Variants in TENM3 observed in about 807,000 individuals in gnomAD.
TENM3 encodes the protein teneurin transmembrane protein 3.
Under a neutral mutation model 255.1 loss-of-function variants are expected in TENM3, and 63 were observed. That is an observed-to-expected ratio of 0.25 (90% CI 0.20 to 0.30). The LOEUF (loss-of-function observed/expected upper bound fraction) is 0.30, where lower values mean the gene tolerates loss of function less well. TENM3 is among the 10% of genes least tolerant of loss of function. The pLI is 1.00. For synonymous variants in TENM3, 1,306 were observed against 1,322.3 expected, an observed-to-expected ratio of 0.99 and a Z score of 0.27; for missense variants, 2,929 against 3,461.1, an observed-to-expected ratio of 0.85 and a Z score of 3.86.
chr4:182,622,818 G>T (rs1038415806), intron 4 of TENM3, among the ~76,000 whole-genome samples: 3 of 152,078 alleles, frequency 2.0e-5, no homozygotes, highest in Non-Finnish European at 4.4e-5. Context: ...AACATGCCAA[G>T]AACTTTTTAA....
At chr4:182,021,084 C>A in the TENM3 span, among the ~76,000 whole-genome samples, 6 of 152,062 alleles carry the variant, frequency 3.9e-5, no homozygotes, top group Non-Finnish European at 8.8e-5. Flanking sequence ...TTTTTCAACC[C>A]ACTCCAGTGT....
chr4:181,960,718 A>C, the TENM3 span, among the ~76,000 whole-genome samples: 2 of 152,202 alleles, frequency 1.3e-5, no homozygotes, highest in Non-Finnish European at 2.9e-5. Context: ...TCTAACAGAC[A>C]GTCTAGGTTT....
the TENM3 span, among the ~76,000 whole-genome samples, chr4:181,474,295 C>A: frequency 6.6e-6 from 1 of 151,776 alleles, no homozygotes; most frequent in Non-Finnish European, 1.5e-5. Context: ...GCACATGTAC[C>A]CCCCAGAACT....
chr4:182,286,753 C>G (rs1050725425), intron 1 of TENM3, among the ~76,000 whole-genome samples: 3 of 152,292 alleles, frequency 2.0e-5, no homozygotes, highest in African/African-American at 7.2e-5. Flanking sequence ...ACCACCACCC[C>G]CTCTCACCAG....
chr4:181,673,566 G>C, the TENM3 span, among the ~76,000 whole-genome samples: 1 of 152,176 alleles, frequency 6.6e-6, no homozygotes, highest in East Asian at 1.9e-4. Context: ...CAATTGCAAC[G>C]AAGTCAGTTC....
chr4:181,755,299 C>A, the TENM3 span, among the ~76,000 whole-genome samples: 1 of 152,142 alleles, frequency 6.6e-6, no homozygotes, highest in South Asian at 2.1e-4. Context: ...TTATTATTTC[C>A]ATTTAAAACT....
At chr4:182,600,668 T>C (rs1300780580) in intron 3 of TENM3, among the ~76,000 whole-genome samples, 2 of 152,000 alleles carry the variant, frequency 1.3e-5, no homozygotes, top group African/African-American at 4.8e-5. Flanking sequence ...CTGAAACAAA[T>C]TAAAACCAAA....
At chr4:182,465,728 A>G (rs1191453741) in intron 3 of TENM3, among the ~76,000 whole-genome samples, 1 of 152,186 alleles carries the variant, frequency 6.6e-6, no homozygotes, top group African/African-American at 2.4e-5. Context: ...GTGCTTTATT[A>G]TTAATAATAT....
chr4:182,740,786 A>G (rs553875780), intron 18 of TENM3, among the ~76,000 whole-genome samples: 2 of 152,382 alleles, frequency 1.3e-5, no homozygotes, highest in East Asian at 1.9e-4. Flanking sequence ...ATTCTAAACC[A>G]GAATAACATA....
chr4:182,370,162 G>A (rs1380695787), intron 3 of TENM3, among the ~76,000 whole-genome samples: 2 of 152,274 alleles, frequency 1.3e-5, no homozygotes, highest in Non-Finnish European at 2.9e-5. Flanking sequence ...TGTTGGGTCA[G>A]GATAGGTCTA....
At chr4:182,224,883 C>T (rs1756050846) in intron 1 of TENM3, among the ~76,000 whole-genome samples, 1 of 151,902 alleles carries the variant, frequency 6.6e-6, no homozygotes, top group Non-Finnish European at 1.5e-5. Context: ...ATTACAGTCA[C>T]GCGCCGCCAC....
chr4:181,454,834 G>A, the TENM3 span, among the ~76,000 whole-genome samples: 1 of 151,850 alleles, frequency 6.6e-6, no homozygotes, highest in Non-Finnish European at 1.5e-5. Flanking sequence ...TAGGTGTGTA[G>A]TCAGTTCTAC....
At chr4:181,657,296 A>C in the TENM3 span, among the ~76,000 whole-genome samples, 53 of 152,260 alleles carry the variant, frequency 3.5e-4, no homozygotes, top group Non-Finnish European at 6.9e-4. Context: ...CTTAATAAAT[A>C]CATGAGAAGT....
chr4:181,574,388 G>A, the TENM3 span, among the ~76,000 whole-genome samples: 1 of 151,732 alleles, frequency 6.6e-6, no homozygotes, highest in Non-Finnish European at 1.5e-5. Flanking sequence ...AAAATTAGCC[G>A]GGCGCGGTGG....
chr4:182,688,432 A>G, intron 12 of TENM3, 81 bp downstream of exon 12: 1 of 1,142,826 alleles, frequency 8.8e-7, no homozygotes, highest in South Asian at 2.4e-5. Flanking sequence ...ACTTGGAAAA[A>G]GCCTATTTCT....
At chr4:182,003,910 T>A in the TENM3 span, among the ~76,000 whole-genome samples, 1 of 152,016 alleles carries the variant, frequency 6.6e-6, no homozygotes, top group Non-Finnish European at 1.5e-5. Context: ...AATTCATTCA[T>A]GAATGCTAAA....
intron 5 of TENM3, among the ~76,000 whole-genome samples, chr4:182,638,602 AT>A (rs976386036): frequency 2.6e-5 from 4 of 152,154 alleles, no homozygotes; most frequent in African/African-American, 4.8e-5. Context: ...CTGAGAAAAG[AT>A]TTCATGTTAT....
intron 3 of TENM3, among the ~76,000 whole-genome samples, chr4:182,371,425 A>G (rs937857838): frequency 1.3e-5 from 2 of 152,162 alleles, no homozygotes; most frequent in African/African-American, 4.8e-5. Context: ...TATGTCTTCA[A>G]TGGGTAAATC....
the TENM3 span, among the ~76,000 whole-genome samples, chr4:181,748,143 A>G: frequency 6.6e-6 from 1 of 152,032 alleles, no homozygotes; most frequent in Non-Finnish European, 1.5e-5. Context: ...CAAAAACTTT[A>G]TTATCACGTT....
Sources: allele counts gnomAD v4.1 joint callset (sites outside exome capture counted in the v4.1 genomes callset), GRCh38; gene constraint gnomAD v4.1.1; transcripts MANE v1.5; gene names NCBI Gene and HGNC (gene_info 2026-07-23, HGNC 2026-07-21).